NEDD4L: variants seen among roughly 807,000 people sequenced by gnomAD.
NEDD4L encodes the protein E3 ubiquitin-protein ligase NEDD4-like.
In NEDD4L, 54 loss-of-function variants were observed where a neutral mutation model predicts 148.9. The observed-to-expected ratio is 0.36, with a 90% CI of 0.29 to 0.45. The LOEUF is 0.45. Ranked by LOEUF, NEDD4L falls within the 20% of genes least tolerant of loss-of-function variation. The pLI, the probability that NEDD4L is intolerant of heterozygous loss-of-function variation, is 1.00. For synonymous variants in NEDD4L, 433 were observed against 440.7 expected, an observed-to-expected ratio of 0.98 and a Z score of 0.22; for missense variants, 856 against 1,233.8, an observed-to-expected ratio of 0.69 and a Z score of 4.59.
intron 2 of NEDD4L, among the ~76,000 whole-genome samples, chr18:58,233,617 C>G (rs2045528449): frequency 1.3e-5 from 2 of 152,218 alleles, no homozygotes; most frequent in Admixed American, 6.5e-5. Context: ...TATCAGTTAT[C>G]TTTCTAAAGT....
At chr18:58,373,578 A>G (rs2047172863) in intron 24 of NEDD4L, among the ~76,000 whole-genome samples, 1 of 152,250 alleles carries the variant, frequency 6.6e-6, no homozygotes, top group South Asian at 2.1e-4. Context: ...TAGGTACTTG[A>G]AAAAATAGTG....
intron 24 of NEDD4L, among the ~76,000 whole-genome samples, chr18:58,374,169 G>C (rs2047251458): frequency 6.6e-6 from 1 of 152,220 alleles, no homozygotes; most frequent in Non-Finnish European, 1.5e-5. Flanking sequence ...AAAAGAAGCT[G>C]ATGCCACTAG....
At chr18:58,154,423 C>T (rs1041549494) in intron 1 of NEDD4L, among the ~76,000 whole-genome samples, 3 of 152,134 alleles carry the variant, frequency 2.0e-5, no homozygotes, top group Non-Finnish European at 2.9e-5. Context: ...CTCAAACCAC[C>T]CTTTGGACCC....
At chr18:58,299,383 A>AGAGCATAT (rs1374022202) in intron 5 of NEDD4L, among the ~76,000 whole-genome samples, 1 of 152,268 alleles carries the variant, frequency 6.6e-6, no homozygotes, top group Non-Finnish European at 1.5e-5. Flanking sequence ...GAATTGCAGC[A>AGAGCATAT]GAGCATATGA....
At chr18:58,371,203 A>ATGTTTT (rs2046821212) in intron 23 of NEDD4L, among the ~76,000 whole-genome samples, 1 of 92,988 alleles carries the variant, frequency 1.1e-5, no homozygotes, top group Admixed American at 1.2e-4. Context: ...TGCCTGGCTA[A>ATGTTTT]TTTTTTTTTT....
chr18:58,099,483 A>G (rs1342780004), intron 1 of NEDD4L, among the ~76,000 whole-genome samples: 4 of 152,148 alleles, frequency 2.6e-5, no homozygotes, highest in Non-Finnish European at 5.9e-5. Context: ...CATGCACATG[A>G]CCCACATTTG....
chr18:58,243,196 G>A (rs2046849937), intron 2 of NEDD4L, among the ~76,000 whole-genome samples: 1 of 152,182 alleles, frequency 6.6e-6, no homozygotes, highest in South Asian at 2.1e-4. Flanking sequence ...TAGCTGAGGG[G>A]CATAAAAATG....
At position 58,078,836 on chromosome 18, in the gene NEDD4L, G is replaced by A. The variant is rs183019055; in HGVS notation, c.48+34128G>A. The stretch of plus-strand genomic sequence containing the variant: ...TCCGTTTCCTGCTTGGTTGATTTCA[G>A]GGACCTGATGAGACAATATGGTGGT... On this transcript the variant is annotated intron_variant, in intron 1 of 30. Coordinates refer to ENST00000400345, the MANE Select transcript of NEDD4L (RefSeq NM_001144967.3). Among the ~76,000 whole-genome samples, 335 of 152,250 alleles carry A rather than the reference G, an allele frequency of 2.2e-3. 3 individuals are homozygous for A. Among genetic ancestry groups the A allele is most frequent in the Middle Eastern group, 3.4e-3 (1 of 294 alleles).
At chr18:58,356,691 G>C (rs897151891) in intron 18 of NEDD4L, among the ~76,000 whole-genome samples, 2 of 152,144 alleles carry the variant, frequency 1.3e-5, no homozygotes, top group East Asian at 1.9e-4. Context: ...GCATATGAGT[G>C]ACGCATGTAA....
intron 2 of NEDD4L, chr18:58,194,009 T>C (rs1254446246): frequency 6.6e-6 from 1 of 152,312 alleles, no homozygotes; most frequent in East Asian, 1.9e-4. Context: ...TCATTCTGTG[T>C]CACCGCATCA....
chr18:58,134,254 G>C (rs899140260), intron 1 of NEDD4L, among the ~76,000 whole-genome samples: 9 of 152,104 alleles, frequency 5.9e-5, no homozygotes, highest in African/African-American at 2.2e-4. Context: ...ATCCGCCTCG[G>C]GCTCCCAAAG....
chr18:58,107,556 A>C (rs191850942), intron 1 of NEDD4L, among the ~76,000 whole-genome samples: 4 of 152,140 alleles, frequency 2.6e-5, no homozygotes, highest in Non-Finnish European at 5.9e-5. Context: ...TGTCTCTACA[A>C]AAATTACAAA....
chr18:58,226,409 C>A (rs75609164), intron 2 of NEDD4L, among the ~76,000 whole-genome samples: 6,161 of 152,198 alleles, frequency 0.04, 291 homozygotes, highest in East Asian at 0.12. Flanking sequence ...TATGTTTTCT[C>A]CCCTGACCCC....
chr18:58,313,533 G>T (rs144717269), intron 5 of NEDD4L, among the ~76,000 whole-genome samples: 17 of 152,292 alleles, frequency 1.1e-4, no homozygotes, highest in African/African-American at 3.6e-4. Context: ...AGCTGGTACC[G>T]CCTTGCTTTC....
rs532018981 is a variant in NEDD4L, at chr18:58,169,201, C to T, written c.122+3340C>T. On this transcript the variant is annotated intron_variant, in intron 2 of 30. Coordinates refer to ENST00000400345, the MANE Select transcript of NEDD4L (RefSeq NM_001144967.3). ...TTAGGATCCAAGATCATTTTCAGCT[C>T]CTTCCAGCCAAGTCTCACTTTATTA... Among the ~76,000 whole-genome samples the T allele has an allele frequency of 2.8e-4, 42 of 152,306 alleles. No homozygotes were observed. In the East Asian group the frequency reaches 7.7e-3, roughly 28 times the overall value.
In NEDD4L at chr18:58,400,840, G is replaced by T. The variant is rs1440659362; in HGVS notation, c.*4571G>T. The T allele has an allele frequency of 6.6e-6, 1 of 152,082 alleles. No homozygotes were observed. Among genetic ancestry groups the T allele is most frequent in the East Asian group, 1.9e-4 (1 of 5,194 alleles). The allele number at this position is 152,082 out of a possible 1,614,324, so 9.4% of individuals were successfully genotyped here. ...GACTGATTTCACCTAGATTGTCACG[G>T]TTTCCTTCATGTTAACTTTGCGTGA... On this transcript the variant is annotated 3_prime_UTR_variant, in exon 31 of 31. Transcript: ENST00000400345.
chr18:58,322,522 GC>G, intron 7 of NEDD4L, 36 bp downstream of exon 7: 1 of 1,233,430 alleles, frequency 8.1e-7, no homozygotes, highest in African/African-American at 1.5e-5. Context: ...GGGGATGCCT[GC>G]CCTGCATGCT....
chr18:58,296,644 G>A (rs2055621420), intron 5 of NEDD4L, among the ~76,000 whole-genome samples: 3 of 152,166 alleles, frequency 2.0e-5, no homozygotes, highest in African/African-American at 4.8e-5. Flanking sequence ...CTTGTGGGCC[G>A]GGCGCGGTGG....
chr18:58,097,400 C>T (rs867965208), intron 1 of NEDD4L, among the ~76,000 whole-genome samples: 2 of 151,276 alleles, frequency 1.3e-5, no homozygotes, highest in African/African-American at 4.9e-5. Context: ...GAACCTAAAA[C>T]AAACACATGT....
Sources: allele counts gnomAD v4.1 joint callset (sites outside exome capture counted in the v4.1 genomes callset), GRCh38; gene constraint gnomAD v4.1.1; transcripts MANE v1.5; gene names NCBI Gene and HGNC (gene_info 2026-07-23, HGNC 2026-07-21).